HYDIN: variants seen among roughly 807,000 people sequenced by gnomAD.
The protein encoded by HYDIN is HYDIN axonemal central pair apparatus protein, also known as axonemal central pair apparatus protein HYDIN.
HYDIN carries 132 observed loss-of-function variants against 403.9 expected under a neutral mutation model. The ratio of observed to expected loss-of-function variants is 0.33; its 90% CI spans 0.28 to 0.38. HYDIN has a LOEUF of 0.38. Among genes scored for constraint, HYDIN ranks in the 10% least tolerant of loss-of-function variants. HYDIN has a pLI of 1.00. For missense variants in HYDIN, 2,827 were observed against 5,009.5 expected (o/e 0.56, Z 13.15); for synonymous variants, 1,202 against 1,891.7 (o/e 0.64, Z 9.46).
intron 3 of HYDIN, among the ~76,000 whole-genome samples, chr16:71,183,816 C>A (rs1280395282): frequency 1.3e-5 from 2 of 151,904 alleles, no homozygotes; most frequent in African/African-American, 4.8e-5. Flanking sequence ...TAAAAATAAC[C>A]AACTGAATTA....
At chr16:70,896,656 G>GTTT (rs60309404) in intron 53 of HYDIN, among the ~76,000 whole-genome samples, 4 of 125,686 alleles carry the variant, frequency 3.2e-5, no homozygotes, top group African/African-American at 6.0e-5. Context: ...ATGCCCAACT[G>GTTT]TTTTTTTTTT....
intron 1 of HYDIN, among the ~76,000 whole-genome samples, chr16:71,221,919 T>A (rs1223899496): frequency 6.6e-6 from 1 of 152,232 alleles, no homozygotes; most frequent in Non-Finnish European, 1.5e-5. Flanking sequence ...AATCACTGAG[T>A]TTTGGCCAAA....
At chr16:71,015,698 C>T (rs867241700) in intron 23 of HYDIN, among the ~76,000 whole-genome samples, 633 of 148,158 alleles carry the variant, frequency 4.3e-3, no homozygotes, top group African/African-American at 0.015. Flanking sequence ...CCATCGTTAC[C>T]GTGGTAACAA....
chr16:71,195,634 CT>C (rs2087660545), intron 1 of HYDIN, among the ~76,000 whole-genome samples: 1 of 152,084 alleles, frequency 6.6e-6, no homozygotes, highest in East Asian at 1.9e-4. Context: ...TTTATTTGAT[CT>C]TTTTAAAACT....
At chr16:70,876,986 GAA>G (rs2040483623) in intron 62 of HYDIN, among the ~76,000 whole-genome samples, 1 of 146,056 alleles carries the variant, frequency 6.8e-6, no homozygotes, top group Admixed American at 6.8e-5. Flanking sequence ...CTAGAAACTA[GAA>G]ACAGTAAACA....
chr16:71,171,430 T>A (rs915772456), intron 5 of HYDIN, among the ~76,000 whole-genome samples: 1 of 152,220 alleles, frequency 6.6e-6, no homozygotes, highest in African/African-American at 2.4e-5. Context: ...CATTGTGAAA[T>A]GTAAGCTCCA....
At chr16:71,194,681 T>C (rs1313654174) in intron 1 of HYDIN, among the ~76,000 whole-genome samples, 1 of 152,230 alleles carries the variant, frequency 6.6e-6, no homozygotes, top group Non-Finnish European at 1.5e-5. Context: ...TTATTTATCA[T>C]AGTTTCCATG....
rs1362498585 is a variant in HYDIN at position 70,835,314 on chromosome 16, AC to A, written c.13401+361del. 5.9e-5 allele frequency among the ~76,000 whole-genome samples: 9 copies of A among 152,104 alleles called. No individual in the cohort carries two copies. The South Asian group carries it at 1.2e-3, about 21-fold the overall frequency. ...CCCAGCCTAGGAATGTATCTTAAGC[AC>A]AGAGTCATGCATGCACAAAGGCTTA... On this transcript the variant is annotated intron_variant, in intron 78 of 85. Transcript: ENST00000393567.
rs1368679729 is a variant in HYDIN at position 71,151,658 on chromosome 16, C to T, written c.841+1001G>A. Among the ~76,000 whole-genome samples the T allele has an allele frequency of 4.0e-5, 6 of 151,364 alleles. No homozygotes were observed. The East Asian group carries it at 7.7e-4, about 19-fold the overall frequency. ...GTGCGCCTCTGTTTTCTCCCTACAA[C>T]GCCCTTCTGCAGATAATCTGGGTCA... On this transcript the variant is annotated intron_variant, in intron 7 of 85. Coordinates refer to ENST00000393567, the MANE Select transcript of HYDIN (RefSeq NM_001270974.2).
rs764499092 is a variant in HYDIN at position 70,872,029 on chromosome 16, T to G, written c.11091+8A>C. ...GATTCCAAAAAATGATGAATGACTT[T>G]TATTTACCTGTGGGGAGAAAGCAAT... On this transcript the variant is annotated splice_region_variant and intron_variant, in intron 65 of 85. Transcript: ENST00000393567. 5 of 1,607,706 alleles carry G rather than the reference T, an allele frequency of 3.1e-6. No individual in the cohort carries two copies. The highest frequency in any genetic ancestry group is 4.2e-6 in the Non-Finnish European group (5 of 1,176,904).
At chr16:70,907,965 A>C (rs377348678) in intron 49 of HYDIN, among the ~76,000 whole-genome samples, 1 of 152,106 alleles carries the variant, frequency 6.6e-6, no homozygotes, top group East Asian at 1.9e-4. Context: ...AACTGCTTTA[A>C]ATTTGCTTAA....
Position 71,207,279 on chromosome 16 carries a change from T to G in HYDIN, c.-23-20361A>C, listed in dbSNP as rs375983729. ...GAGATTGGGGGTCTATATTCAACAT[T>G]CTTAAAGAAAAGAAATTCAAACCAA... On this transcript the variant is annotated intron_variant, in intron 1 of 85. Transcript: ENST00000393567. Among the ~76,000 whole-genome samples the G allele has an allele frequency of 1.2e-4, 19 of 152,304 alleles. 1 individual carries two copies. Among genetic ancestry groups the G allele is most frequent in the African/African-American group, 4.3e-4 (18 of 41,570 alleles).
intron 11 of HYDIN, chr16:71,090,517 A>C (rs2083086242): frequency 6.6e-6 from 1 of 152,198 alleles, no homozygotes; most frequent in African/African-American, 2.4e-5. Flanking sequence ...TTGTTTTTTA[A>C]GAGACAGGGT....
chr16:70,979,938 A>ACAAT (rs2078997710), intron 29 of HYDIN, among the ~76,000 whole-genome samples: 1 of 152,018 alleles, frequency 6.6e-6, no homozygotes, highest in Admixed American at 6.5e-5. Context: ...AAACAAACAA[A>ACAAT]CAAACAAACA....
chr16:70,997,885 T>C (rs550115732), intron 23 of HYDIN, among the ~76,000 whole-genome samples: 4 of 149,108 alleles, frequency 2.7e-5, no homozygotes, highest in Non-Finnish European at 4.4e-5. Context: ...TATCAGATGG[T>C]CTACTATTTG....
At chr16:70,922,550 G>C (rs2143819738) in intron 45 of HYDIN, among the ~76,000 whole-genome samples, 1 of 152,186 alleles carries the variant, frequency 6.6e-6, no homozygotes, top group Admixed American at 6.5e-5. Context: ...ATATGACATA[G>C]AGCATGTACT....
rs1597075214 is a variant in HYDIN, at chr16:70,834,175, T to C, written c.13402-11A>G. On this transcript the variant is annotated splice_polypyrimidine_tract_variant and intron_variant, in intron 78 of 85. Transcript: ENST00000393567. ...CGCCAGGGTAAGGACCTGAATGAAATAGCACCCAGAGTCAGCAGCTGAGGG... is the reference window on the plus strand; with the variant it reads ...CGCCAGGGTAAGGACCTGAATGAAACAGCACCCAGAGTCAGCAGCTGAGGG... 4.3e-6 allele frequency: 7 copies of C among 1,613,548 alleles called. No individual in the cohort carries two copies. The East Asian group carries it at 8.9e-5, about 21-fold the overall frequency.
intron 29 of HYDIN, among the ~76,000 whole-genome samples, chr16:70,979,605 T>C (rs1002485825): frequency 3.9e-5 from 6 of 152,194 alleles, no homozygotes; most frequent in African/African-American, 1.4e-4. Flanking sequence ...ATTCAAATCC[T>C]TTGAAAGGCA....
chr16:70,896,651 C>G (rs2076212258), intron 53 of HYDIN, among the ~76,000 whole-genome samples: 1 of 147,864 alleles, frequency 6.8e-6, no homozygotes, highest in South Asian at 2.1e-4. Context: ...CCATCATGCC[C>G]AACTGTTTTT....
Sources: gnomAD v4.1 joint callset for allele counts (sites outside exome capture counted in the v4.1 genomes callset) on GRCh38, gnomAD v4.1.1 for gene constraint, MANE v1.5 for transcripts, NCBI Gene and HGNC (gene_info 2026-07-23, HGNC 2026-07-21) for gene names.